The following SLC39A11 variants were observed in gnomAD, a reference collection of about 807,000 sequenced individuals.
The protein encoded by SLC39A11 is solute carrier family 39 member 11.
Under a neutral mutation model 36.1 loss-of-function variants are expected in SLC39A11, and 33 were observed. The ratio of observed to expected loss-of-function variants is 0.91; its 90% CI spans 0.69 to 1.22. The LOEUF (loss-of-function observed/expected upper bound fraction) is 1.22. Ranked by LOEUF, SLC39A11 falls within the 50% of genes most tolerant of loss-of-function variation. The pLI is 0.00. For synonymous variants in SLC39A11, 166 were observed against 170.3 expected (o/e 0.97, Z 0.20); for missense variants, 432 against 430.3 (o/e 1.00, Z -0.03).
In SLC39A11 at chr17:72,861,769, T is replaced by C. The variant is rs1445595561; in HGVS notation, c.431-11965A>G. On this transcript the variant is annotated intron_variant, in intron 5 of 9. Coordinates refer to ENST00000255559, the MANE Select transcript of SLC39A11 (RefSeq NM_139177.4). ...ATATATATATATATATATATATATA[T>C]ATATATATATATATCCAATGCTATT... Among the ~76,000 whole-genome samples the C allele has an allele frequency of 4.5e-5, 5 of 109,956 alleles. No homozygotes were observed. The East Asian group carries it at 1.0e-3, about 23-fold the overall frequency. 72.1% of individuals were successfully genotyped at this position (109,956 alleles called of 152,430 possible). A position where few individuals can be genotyped will look rare whatever the true frequency, so the allele number is the denominator to read the frequency against.
chr17:72,806,110 G>T lies in SLC39A11; in HGVS notation c.601+43524C>A, dbSNP rs75841994. On this transcript the variant is annotated intron_variant, in intron 6 of 9. Transcript: ENST00000255559. The stretch of plus-strand genomic sequence containing the variant: ...AAAGCTGGGAAACGAAGAGAGACCT[G>T]TTCCAGTTATAATTAGAGATCCTTT... Among the ~76,000 whole-genome samples the T allele has an allele frequency of 8.1e-3, 1,229 of 152,186 alleles. 15 individuals are homozygous for T. Among genetic ancestry groups the T allele is most frequent in the African/African-American group, 0.027 (1,124 of 41,492 alleles).
chr17:72,665,594 C>T (rs1297899401), intron 7 of SLC39A11, among the ~76,000 whole-genome samples: 3 of 151,668 alleles, frequency 2.0e-5, no homozygotes, highest in Non-Finnish European at 4.4e-5. Context: ...CACTATATTT[C>T]CCCGGCTTGT....
At chr17:72,899,596 G>T (rs1042192338) in intron 5 of SLC39A11, among the ~76,000 whole-genome samples, 2 of 152,118 alleles carry the variant, frequency 1.3e-5, no homozygotes, top group Non-Finnish European at 2.9e-5. Flanking sequence ...TTATAGCAAT[G>T]GGCAAATCAA....
At chr17:73,012,387 C>G (rs1010205527) in intron 4 of SLC39A11, among the ~76,000 whole-genome samples, 3 of 152,260 alleles carry the variant, frequency 2.0e-5, no homozygotes, top group Middle Eastern at 3.4e-3. Flanking sequence ...GTGACTATAT[C>G]AAAACATTTA....
chr17:72,722,105 A>T (rs1253990519), intron 7 of SLC39A11, among the ~76,000 whole-genome samples: 2 of 152,086 alleles, frequency 1.3e-5, no homozygotes, highest in Admixed American at 1.3e-4. Context: ...ATCCAAAGGA[A>T]TTCAGTATCT....
At position 72,731,854 on chromosome 17, in the gene SLC39A11, T is replaced by TA. The variant is rs1191000961; in HGVS notation, c.671+4795dup. Among the ~76,000 whole-genome samples the TA allele has an allele frequency of 2.6e-5, 4 of 151,366 alleles. No homozygotes were observed. The East Asian group carries it at 7.8e-4, about 30-fold the overall frequency. On this transcript the variant is annotated intron_variant, in intron 7 of 9. Coordinates refer to ENST00000255559, the MANE Select transcript of SLC39A11 (RefSeq NM_139177.4). Reference sequence around the variant, plus strand: ...AGATTCTCCTGCCTCAGCTCCTGAGTAGCTGGGATTACAGGTGCCCACCAT... The same window carrying TA: ...AGATTCTCCTGCCTCAGCTCCTGAGTAAGCTGGGATTACAGGTGCCCACCAT...
At chr17:72,761,638 G>T (rs1184433717) in intron 6 of SLC39A11, among the ~76,000 whole-genome samples, 2 of 152,166 alleles carry the variant, frequency 1.3e-5, no homozygotes, top group Non-Finnish European at 2.9e-5. Flanking sequence ...TCCCTGAGAG[G>T]CTAAGCAACC....
intron 5 of SLC39A11, among the ~76,000 whole-genome samples, chr17:72,916,422 A>T (rs2083337925): frequency 6.7e-6 from 1 of 149,624 alleles, no homozygotes; most frequent in Non-Finnish European, 1.5e-5. Flanking sequence ...CAGTCCCAGG[A>T]GTTCATCAAA....
At chr17:72,673,361 C>T (rs1026335456) in intron 7 of SLC39A11, among the ~76,000 whole-genome samples, 1 of 152,144 alleles carries the variant, frequency 6.6e-6, no homozygotes, top group African/African-American at 2.4e-5. Context: ...CCTCGGCCTC[C>T]CAAAGTGCTG....
chr17:72,733,463 G>A (rs1275925193), intron 7 of SLC39A11, among the ~76,000 whole-genome samples: 4 of 152,184 alleles, frequency 2.6e-5, no homozygotes, highest in African/African-American at 9.7e-5. Flanking sequence ...ATGAATGAAT[G>A]AGTGGAGACC....
chr17:72,975,275 C>A (rs1457882408), intron 4 of SLC39A11, among the ~76,000 whole-genome samples: 1 of 152,022 alleles, frequency 6.6e-6, no homozygotes. Flanking sequence ...CCTGTCCCTA[C>A]TAAATACAAA....
chr17:72,822,383 A>G (rs2567484), intron 6 of SLC39A11, among the ~76,000 whole-genome samples: 2,838 of 150,026 alleles, frequency 0.019, 108 homozygotes, highest in African/African-American at 0.065. Flanking sequence ...AGATCTATCT[A>G]AATGCAATCT....
chr17:72,734,924 C>A (rs2074360733), intron 7 of SLC39A11, among the ~76,000 whole-genome samples: 1 of 152,128 alleles, frequency 6.6e-6, no homozygotes, highest in South Asian at 2.1e-4. Flanking sequence ...CTAGTGGAGT[C>A]AGGATCAAAA....
intron 2 of SLC39A11, among the ~76,000 whole-genome samples, chr17:73,086,427 A>G (rs573067594): frequency 5.3e-5 from 8 of 152,170 alleles, no homozygotes; most frequent in African/African-American, 1.9e-4. Flanking sequence ...AGCCTTAAAA[A>G]CAAAAGAAAT....
intron 5 of SLC39A11, among the ~76,000 whole-genome samples, chr17:72,873,947 C>G (rs1023651202): frequency 5.3e-5 from 8 of 152,182 alleles, no homozygotes; most frequent in Non-Finnish European, 1.0e-4. Flanking sequence ...GCTCCCCCCA[C>G]TTGCTCAGCT....
intron 7 of SLC39A11, among the ~76,000 whole-genome samples, chr17:72,662,531 AAG>A (rs1445614492): frequency 1.6e-5 from 2 of 124,178 alleles, no homozygotes. Context: ...AAGAGAAAGA[AAG>A]AGAGAAAGAA....
intron 5 of SLC39A11, among the ~76,000 whole-genome samples, chr17:72,896,079 C>A (rs890163334): frequency 6.6e-6 from 1 of 150,896 alleles, no homozygotes; most frequent in Admixed American, 6.6e-5. Context: ...ATGAAAACGG[C>A]ATTCTGGTTA....
chr17:72,781,882 C>T (rs2076330750), intron 6 of SLC39A11, among the ~76,000 whole-genome samples: 1 of 147,386 alleles, frequency 6.8e-6, no homozygotes, highest in African/African-American at 2.6e-5. Context: ...CCATCCATCA[C>T]CATCCAAAAA....
At chr17:72,695,666 T>A (rs1391378203) in intron 7 of SLC39A11, among the ~76,000 whole-genome samples, 3 of 152,072 alleles carry the variant, frequency 2.0e-5, no homozygotes, top group African/African-American at 7.2e-5. Flanking sequence ...AGAGATAAGA[T>A]CATTCTAGAT....
Sources: allele counts gnomAD v4.1 joint callset (sites outside exome capture counted in the v4.1 genomes callset), GRCh38; gene constraint gnomAD v4.1.1; transcripts MANE v1.5; gene names NCBI Gene and HGNC (gene_info 2026-07-23, HGNC 2026-07-21).